Variants in MAL2 observed in about 807,000 individuals in gnomAD.
MAL2 encodes the protein mal, T cell differentiation protein 2.
A neutral mutation model predicts 18.1 loss-of-function variants in MAL2; 17 were observed. The observed-to-expected ratio is 0.94, with a 90% CI of 0.64 to 1.41. The LOEUF (loss-of-function observed/expected upper bound fraction) is 1.41, where lower values mean the gene tolerates loss of function less well. MAL2 is among the 40% of genes most tolerant of loss of function. The probability of loss-of-function intolerance (pLI) is 0.00; values close to 1 mark genes in which losing one functional copy is unlikely to be tolerated. For missense variants in MAL2, 222 were observed against 231.9 expected, an observed-to-expected ratio of 0.96 and a Z score of 0.28; for synonymous variants, 102 against 102.3, an observed-to-expected ratio of 1.00 and a Z score of 0.02.
intron 1 of MAL2, among the ~76,000 whole-genome samples, chr8:119,220,475 G>A (rs1207034879): frequency 6.6e-6 from 1 of 152,034 alleles, no homozygotes; most frequent in East Asian, 1.9e-4. Flanking sequence ...TCACATTCTA[G>A]CCAGAGAGAA....
At chr8:119,230,121 G>A (rs1817686018) in intron 2 of MAL2, among the ~76,000 whole-genome samples, 1 of 152,164 alleles carries the variant, frequency 6.6e-6, no homozygotes, top group African/African-American at 2.4e-5. Context: ...AGTACCAGGA[G>A]CTACTTTTCA....
rs928082649 is a variant in MAL2 at position 119,208,672 on chromosome 8, G to A, written c.132+68G>A. The A allele has an allele frequency of 1.2e-5, 15 of 1,236,480 alleles. No homozygotes were observed. The highest frequency in any genetic ancestry group is 6.5e-5 in the East Asian group (2 of 30,972). 76.6% of individuals were successfully genotyped at this position (1,236,480 alleles called of 1,614,324 possible). A position where few individuals can be genotyped will look rare whatever the true frequency, so the allele number is the denominator to read the frequency against. ...ACAGGCGGCGGCATCCTTGTCCCCC[G>A]GGCTGTCTTCCTCTGCGTCCGCCCC... is the stretch of plus-strand genomic sequence containing the variant. On this transcript the variant is annotated intron_variant, in intron 1 of 3. Transcript: ENST00000614891. The surrounding 1 kb of genome is among the most constrained non-coding windows in gnomAD (Gnocchi z 4.3).
rs991993097 is a variant in MAL2, at chr8:119,226,007, T to C, written c.303+4250T>C. Among the ~76,000 whole-genome samples the C allele has an allele frequency of 2.0e-5, 3 of 152,376 alleles. No homozygotes were observed. In the East Asian group the frequency reaches 5.8e-4, roughly 29 times the overall value. On this transcript the variant is annotated intron_variant, in intron 2 of 3. Transcript: ENST00000614891. ...ATTTGTTTGAGTTCATTGTAGATTCTGGATGTTAGCCCTTTGTCAGATGAG... is the reference window on the plus strand; with the variant it reads ...ATTTGTTTGAGTTCATTGTAGATTCCGGATGTTAGCCCTTTGTCAGATGAG...
chr8:119,240,368 A>G (rs1296816489), intron 3 of MAL2, 48 bp downstream of exon 3: 3 of 1,588,730 alleles, frequency 1.9e-6, no homozygotes, highest in South Asian at 1.1e-5. Context: ...CTTCCGCTCC[A>G]CTGTCAAGGC....
Position 119,221,683 on chromosome 8 carries a change from T to C in MAL2, c.229T>C (p.Phe77Leu), listed in dbSNP as rs1348729697. 2 of 1,613,844 alleles carry C rather than the reference T, an allele frequency of 1.2e-6. No individual in the cohort carries two copies. The highest frequency in any genetic ancestry group is 1.7e-6 in the Non-Finnish European group (2 of 1,179,846). Residue 77 changes from phenylalanine to leucine, a missense_variant, in exon 2 of 4, where the codon TTC (phenylalanine) becomes CTC (leucine). Phe to Leu is a conservative substitution (Grantham distance 22). Transcript: ENST00000614891. ...WVMFVSVTAF[F>L]FSLLFLGMFL... ...CATGTTTGTGTCCGTGACAGCGTTTTTCTTTTCGCTCCTCTTTCTGGGCAT... is the reference window on the plus strand; with the variant it reads ...CATGTTTGTGTCCGTGACAGCGTTTCTCTTTTCGCTCCTCTTTCTGGGCAT...
rs1817468738 is a variant in MAL2, at chr8:119,221,764, A to T, written c.303+7A>T. ...TGCTAACTGGAACTTCCTGGTAAGG[A>T]CTTTTTATTTTAAGTCTATTGCAGG... On this transcript the variant is annotated splice_region_variant and intron_variant, in intron 2 of 3. Transcript: ENST00000614891. 1 of 1,612,844 alleles carries T rather than the reference A, an allele frequency of 6.2e-7. No individual in the cohort carries two copies. The highest frequency in any genetic ancestry group is 8.5e-7 in the Non-Finnish European group (1 of 1,179,490).
At position 119,212,571 on chromosome 8, in the gene MAL2, G is replaced by A. The variant is rs115270534; in HGVS notation, c.132+3967G>A. On this transcript the variant is annotated intron_variant, in intron 1 of 3. Coordinates refer to ENST00000614891, the MANE Select transcript of MAL2 (RefSeq NM_052886.3). ...AAAGTCAAGAAAGAATTACCATGCT[G>A]TGTATGAAGTGCTAATATAGGTTTA... Among the ~76,000 whole-genome samples, 1,296 of 152,314 alleles carry A rather than the reference G, an allele frequency of 8.5e-3. 14 individuals carry two copies. The highest frequency in any genetic ancestry group is 0.028 in the African/African-American group (1,174 of 41,566).
chr8:119,238,194 A>C (rs1817955938), intron 2 of MAL2, among the ~76,000 whole-genome samples: 1 of 152,226 alleles, frequency 6.6e-6, no homozygotes, highest in South Asian at 2.1e-4. Context: ...CAATTGCTTC[A>C]AAGAGAATAA....
intron 2 of MAL2, among the ~76,000 whole-genome samples, chr8:119,237,396 CCAAT>C (rs1817931179): frequency 6.6e-6 from 1 of 151,724 alleles, no homozygotes; most frequent in African/African-American, 2.4e-5. Flanking sequence ...TGCAACTATT[CCAAT>C]CAATAGAAAA....
At chr8:119,227,830 C>T (rs1817626634) in intron 2 of MAL2, among the ~76,000 whole-genome samples, 2 of 152,096 alleles carry the variant, frequency 1.3e-5, no homozygotes, top group Non-Finnish European at 1.5e-5. Flanking sequence ...TGGAGTTGGT[C>T]TCAAGGCCAA....
At chr8:119,233,085 C>A (rs1817771155) in intron 2 of MAL2, among the ~76,000 whole-genome samples, 1 of 152,116 alleles carries the variant, frequency 6.6e-6, no homozygotes, top group South Asian at 2.1e-4. Context: ...GGGTACATAA[C>A]AAAATGAAGG....
intron 2 of MAL2, among the ~76,000 whole-genome samples, chr8:119,225,949 C>T (rs562849054): frequency 2.0e-5 from 3 of 152,204 alleles, no homozygotes; most frequent in East Asian, 3.9e-4. Flanking sequence ...TATCCTTCAC[C>T]CACTTTTTGA....
At chr8:119,233,595 C>T (rs59699923) in intron 2 of MAL2, among the ~76,000 whole-genome samples, 11,959 of 152,070 alleles carry the variant, frequency 0.079, 1,359 homozygotes, top group African/African-American at 0.25. Context: ...ATAAATTCCT[C>T]GACACATACA....
chr8:119,219,684 G>A (rs181414376), intron 1 of MAL2, among the ~76,000 whole-genome samples: 4 of 152,214 alleles, frequency 2.6e-5, no homozygotes, highest in African/African-American at 9.6e-5. Context: ...GGTTAGGAAA[G>A]GATTACTGTG....
chr8:119,209,691 G>A (rs1817241358), intron 1 of MAL2, among the ~76,000 whole-genome samples: 1 of 152,156 alleles, frequency 6.6e-6, no homozygotes, highest in South Asian at 2.1e-4. Flanking sequence ...TTGTGGAGCT[G>A]GATCACCTTG....
chr8:119,245,316 G>T lies in MAL2; in HGVS notation c.*1828G>T, dbSNP rs1818130334. On this transcript the variant is annotated 3_prime_UTR_variant, in exon 4 of 4. Transcript: ENST00000614891. ...CATTCTAGTTGGAATCGTTTACTCT[G>T]CTAGAATTTAGGTGTGAGATTTTTT... 6.6e-6 allele frequency: 1 copy of T among 152,558 alleles called. No individual in the cohort carries two copies. Among genetic ancestry groups the T allele is most frequent in the Non-Finnish European group, 1.5e-5 (1 of 68,018 alleles). The allele number at this position is 152,558 out of a possible 1,614,324, so 9.5% of individuals were successfully genotyped here.
chr8:119,218,564 T>C (rs1361029718), intron 1 of MAL2, among the ~76,000 whole-genome samples: 1 of 152,156 alleles, frequency 6.6e-6, no homozygotes, highest in Non-Finnish European at 1.5e-5. Flanking sequence ...CGCAATCTGC[T>C]CCTGAATCAG....
At chr8:119,229,596 G>C (rs1249163295) in intron 2 of MAL2, among the ~76,000 whole-genome samples, 1 of 152,118 alleles carries the variant, frequency 6.6e-6, no homozygotes, top group Non-Finnish European at 1.5e-5. Context: ...ACAGACACGA[G>C]CCACTGCACC....
In MAL2 at chr8:119,221,584, C is replaced by T. The variant is rs767706971; in HGVS notation, c.133-3C>T. On this transcript the variant is annotated splice_polypyrimidine_tract_variant and splice_region_variant and intron_variant, in intron 1 of 3. Coordinates refer to ENST00000614891, the MANE Select transcript of MAL2 (RefSeq NM_052886.3). ...AACCAATTACCCTCTTTTTCTCTTT[C>T]AGCTGTTCGGGGGTCTTGTCTGGAT... 6.2e-7 allele frequency: 1 copy of T among 1,611,676 alleles called. No homozygotes were observed. Among genetic ancestry groups the T allele is most frequent in the African/African-American group, 1.3e-5 (1 of 74,632 alleles).
Sources: allele counts gnomAD v4.1 joint callset (sites outside exome capture counted in the v4.1 genomes callset), GRCh38; gene constraint gnomAD v4.1.1; non-coding constraint Gnocchi (gnomAD v3.1); transcripts MANE v1.5; gene names NCBI Gene and HGNC (gene_info 2026-07-23, HGNC 2026-07-21).